DET1: variants seen among roughly 807,000 people sequenced by gnomAD.
DET1 encodes the protein DET1 homolog.
In DET1, 22 loss-of-function variants were observed where a neutral mutation model predicts 43.7. The observed-to-expected ratio is 0.50, with a 90% CI of 0.36 to 0.72. DET1 has a LOEUF of 0.72. Ranked by LOEUF, DET1 falls within the 30% of genes least tolerant of loss-of-function variation. DET1 has a pLI of 0.00. For missense variants in DET1, 713 were observed against 713.3 expected (o/e 1.00, Z 0.00); for synonymous variants, 315 against 266.2 (o/e 1.18, Z -1.79).
intron 1 of DET1, among the ~76,000 whole-genome samples, chr15:88,538,226 C>T (rs1390544327): frequency 6.6e-6 from 1 of 151,688 alleles, no homozygotes; most frequent in Non-Finnish European, 1.5e-5. Context: ...CTTTCACTGG[C>T]AGCCCCTTCC....
chr15:88,520,823 C>T (rs1024796557), intron 3 of DET1, among the ~76,000 whole-genome samples: 1 of 152,204 alleles, frequency 6.6e-6, no homozygotes, highest in African/African-American at 2.4e-5. Flanking sequence ...GCTTAGGATA[C>T]ATCAGTTGAC....
intron 1 of DET1, among the ~76,000 whole-genome samples, chr15:88,544,918 G>C (rs2057207914): frequency 6.6e-6 from 1 of 152,186 alleles, no homozygotes; most frequent in Non-Finnish European, 1.5e-5. Flanking sequence ...CCAAAAGCAG[G>C]AAGTGTCGAC....
chr15:88,507,787 A>G (rs2056157252), downstream of DET1, among the ~76,000 whole-genome samples: 1 of 152,238 alleles, frequency 6.6e-6, no homozygotes. Flanking sequence ...AGAGGAGGAA[A>G]GAACTTGGCT....
At chr15:88,509,152 C>T (rs1051683139), downstream of DET1, among the ~76,000 whole-genome samples, 1 of 152,176 alleles carries the variant, frequency 6.6e-6, no homozygotes, top group Non-Finnish European at 1.5e-5. Context: ...AGCTGAGATA[C>T]TGGAGGAGTT....
chr15:88,506,325 C>T (rs1419517879), intron 7 of DET1, among the ~76,000 whole-genome samples: 2 of 152,146 alleles, frequency 1.3e-5, no homozygotes, highest in East Asian at 1.9e-4. Context: ...AACTTATTCC[C>T]ATAATTCTAT....
chr15:88,522,669 C>T (rs1055961675), intron 3 of DET1, among the ~76,000 whole-genome samples: 19 of 151,442 alleles, frequency 1.3e-4, no homozygotes, highest in East Asian at 9.7e-4. Flanking sequence ...CCATCACACA[C>T]GGCTAATTTT....
At chr15:88,515,007 T>C (rs748409059) in intron 4 of DET1, among the ~76,000 whole-genome samples, 2 of 152,104 alleles carry the variant, frequency 1.3e-5, no homozygotes, top group South Asian at 2.1e-4. Context: ...AAAAAACACA[T>C]AGCCTTACTC....
downstream of DET1, among the ~76,000 whole-genome samples, chr15:88,510,774 T>G (rs931629382): frequency 1.1e-4 from 16 of 150,346 alleles, no homozygotes; most frequent in Non-Finnish European, 2.2e-4. Flanking sequence ...TTTTTTTGTT[T>G]TTTTTTTTTT....
chr15:88,536,212 A>C, intron 1 of DET1: 1 of 681,570 alleles, frequency 1.5e-6, no homozygotes, highest in Non-Finnish European at 2.7e-6. Context: ...GTACCTCCTC[A>C]GAAATCTTCC....
chr15:88,544,291 G>A (rs774519868), intron 1 of DET1, among the ~76,000 whole-genome samples: 5 of 152,098 alleles, frequency 3.3e-5, no homozygotes, highest in Non-Finnish European at 1.5e-5. Flanking sequence ...TTTAAAAACC[G>A]GTAAAAATTG....
At chr15:88,524,291 T>C (rs1025471925) in intron 3 of DET1, among the ~76,000 whole-genome samples, 9 of 151,606 alleles carry the variant, frequency 5.9e-5, no homozygotes, top group African/African-American at 1.9e-4. Flanking sequence ...AGCCGCCCCA[T>C]CTGGGAAGTG....
At chr15:88,537,114 C>T (rs1010687219) in intron 1 of DET1, among the ~76,000 whole-genome samples, 2 of 152,174 alleles carry the variant, frequency 1.3e-5, no homozygotes, top group African/African-American at 4.8e-5. Context: ...TCTCAAACTG[C>T]TAGTCACACC....
In DET1 at chr15:88,520,457, T is replaced by A. The variant is rs1198582543; in HGVS notation, c.1272-3484A>T. Among the ~76,000 whole-genome samples the A allele has an allele frequency of 2.6e-5, 4 of 152,356 alleles. No individual in the cohort carries two copies. In the East Asian group the frequency reaches 7.7e-4, roughly 29 times the overall value. On this transcript the variant is annotated intron_variant, in intron 3 of 4. Transcript: ENST00000268148. ...GTTAATTTTCAGTCCCTATTGTACT[T>A]GACTCGTCAGGTGGCTGTGACACAG...
downstream of DET1, among the ~76,000 whole-genome samples, chr15:88,508,338 T>G (rs1474987492): frequency 1.3e-5 from 2 of 152,252 alleles, no homozygotes; most frequent in East Asian, 1.9e-4. Flanking sequence ...TGTTGGGGAC[T>G]GCTGACCTAG....
At chr15:88,538,782 G>T (rs1051885345) in intron 1 of DET1, among the ~76,000 whole-genome samples, 1 of 152,162 alleles carries the variant, frequency 6.6e-6, no homozygotes, top group South Asian at 2.1e-4. Flanking sequence ...ACCACCTTCC[G>T]GAGGAGAGTG....
chr15:88,539,697 C>A (rs779201937), intron 1 of DET1, among the ~76,000 whole-genome samples: 2 of 151,912 alleles, frequency 1.3e-5, no homozygotes, highest in Non-Finnish European at 2.9e-5. Context: ...GGCTGGCCAC[C>A]ACAGTCCTGT....
chr15:88,513,464 T>G (rs554011364), intron 4 of DET1, among the ~76,000 whole-genome samples: 2 of 152,118 alleles, frequency 1.3e-5, no homozygotes, highest in East Asian at 3.9e-4. Context: ...AGGCCAGGGC[T>G]AAAAATGAAA....
intron 2 of DET1, among the ~76,000 whole-genome samples, chr15:88,529,784 G>A (rs1319921322): frequency 6.6e-6 from 1 of 152,230 alleles, no homozygotes; most frequent in African/African-American, 2.4e-5. Flanking sequence ...AAAGGTAGTT[G>A]TCTAACTTGG....
downstream of DET1, chr15:88,512,407 T>C (rs1319263410): frequency 5.1e-6 from 5 of 985,458 alleles, no homozygotes; most frequent in Admixed American, 3.1e-4. Flanking sequence ...TCTTTCACAG[T>C]CCTTCCTGGA....
Sources: gnomAD v4.1 joint callset for allele counts (sites outside exome capture counted in the v4.1 genomes callset) on GRCh38, gnomAD v4.1.1 for gene constraint, MANE v1.5 for transcripts, NCBI Gene and HGNC (gene_info 2026-07-23, HGNC 2026-07-21) for gene names.